Variants in RTL4 observed in about 807,000 individuals in gnomAD.
RTL4 encodes retrotransposon Gag like 4, also known as retrotransposon Gag-like protein 4.
In RTL4, 4 loss-of-function variants were observed where a neutral mutation model predicts 5.3. The ratio of observed to expected loss-of-function variants is 0.75; its 90% CI spans 0.37 to 1.72. RTL4 has a LOEUF of 1.72. RTL4 is among the 40% of genes most tolerant of loss of function. The probability of loss-of-function intolerance (pLI) is 0.04; values close to 1 mark genes in which losing one functional copy is unlikely to be tolerated. For missense variants in RTL4, 260 were observed against 227.1 expected (o/e 1.14, Z -0.93); for synonymous variants, 98 against 87.3 (o/e 1.12, Z -0.68).
chrX:112,325,155 CA>C, the RTL4 span, among the ~76,000 whole-genome samples: 3 of 111,489 alleles, frequency 2.7e-5, no homozygotes, highest in East Asian at 8.5e-4. Context: ...AAAGAGGACA[CA>C]AACAAATGGA....
chrX:112,288,206 C>T, the RTL4 span, among the ~76,000 whole-genome samples: 1 of 111,916 alleles, frequency 8.9e-6, no homozygotes, highest in Non-Finnish European at 1.9e-5. Flanking sequence ...GAATAGTTTC[C>T]CAAGAAGTCT....
At chrX:112,373,260 G>A in the RTL4 span, among the ~76,000 whole-genome samples, 2 of 111,485 alleles carry the variant, frequency 1.8e-5, no homozygotes, top group Non-Finnish European at 3.8e-5. Flanking sequence ...ACTCCCACCA[G>A]TAGTGTATGA....
chrX:112,263,760 C>A, the RTL4 span, among the ~76,000 whole-genome samples: 1 of 111,107 alleles, frequency 9.0e-6, no homozygotes, highest in Admixed American at 9.6e-5. Flanking sequence ...GTGTCCTCAC[C>A]CCTCCCTCAC....
At chrX:112,158,148 G>GA in the RTL4 span, among the ~76,000 whole-genome samples, 1 of 7,770 alleles carries the variant, frequency 1.3e-4, no homozygotes, top group African/African-American at 1.0e-3. Context: ...CAATGATGAA[G>GA]GAAGCTCCCT....
At chrX:112,154,805 A>AT in the RTL4 span, among the ~76,000 whole-genome samples, 27 of 111,291 alleles carry the variant, frequency 2.4e-4, no homozygotes, top group African/African-American at 8.5e-4. Context: ...CTTATTAGGT[A>AT]TTTTTTTGGG....
At chrX:112,193,296 A>G in the RTL4 span, among the ~76,000 whole-genome samples, 1 of 111,283 alleles carries the variant, frequency 9.0e-6, no homozygotes, top group Non-Finnish European at 1.9e-5. Context: ...GAATATTCCA[A>G]ATCTACTATT....
the RTL4 span, among the ~76,000 whole-genome samples, chrX:112,323,807 A>C: frequency 8.9e-6 from 1 of 112,385 alleles, no homozygotes; most frequent in Non-Finnish European, 1.9e-5. Context: ...TTAAATGATC[A>C]AATATATCTA....
chrX:112,399,878 T>C, the RTL4 span, among the ~76,000 whole-genome samples: 1 of 111,667 alleles, frequency 9.0e-6, no homozygotes, highest in Admixed American at 9.5e-5. Context: ...GGTAAAGTGT[T>C]GTAGTTTGAC....
chrX:112,132,141 G>A, the RTL4 span, among the ~76,000 whole-genome samples: 8 of 111,271 alleles, frequency 7.2e-5, no homozygotes, highest in South Asian at 1.5e-3. Flanking sequence ...AGACAAAAAC[G>A]TAAGTTAAAC....
At chrX:112,241,150 T>C in the RTL4 span, among the ~76,000 whole-genome samples, 5 of 110,531 alleles carry the variant, frequency 4.5e-5, no homozygotes, top group African/African-American at 1.6e-4. Flanking sequence ...GTCTTTATGG[T>C]ATTTACAAAT....
chrX:112,325,653 A>G, the RTL4 span, among the ~76,000 whole-genome samples: 1 of 112,461 alleles, frequency 8.9e-6, no homozygotes, highest in African/African-American at 3.2e-5. Flanking sequence ...AATTAATTCA[A>G]GATGGATTAA....
chrX:112,310,577 A>G, the RTL4 span, among the ~76,000 whole-genome samples: 1 of 56,235 alleles, frequency 1.8e-5, no homozygotes, highest in African/African-American at 8.1e-5. Context: ...ATTTATATAT[A>G]ATATTTCTAT....
the RTL4 span, among the ~76,000 whole-genome samples, chrX:112,236,359 C>T: frequency 4.1e-5 from 4 of 97,897 alleles, no homozygotes; most frequent in African/African-American, 1.5e-4. Flanking sequence ...TTTCTTTTCT[C>T]CATTGTACAG....
the RTL4 span, among the ~76,000 whole-genome samples, chrX:112,230,357 C>T: frequency 2.7e-5 from 3 of 112,361 alleles, no homozygotes; most frequent in Admixed American, 1.9e-4. Flanking sequence ...CCTGGTGTGC[C>T]GTTTGTTAAG....
At chrX:112,305,535 T>C in the RTL4 span, among the ~76,000 whole-genome samples, 5 of 109,467 alleles carry the variant, frequency 4.6e-5, no homozygotes, top group African/African-American at 1.7e-4. Flanking sequence ...GCTAATTTTT[T>C]GTATTTTTAG....
the RTL4 span, among the ~76,000 whole-genome samples, chrX:112,250,621 G>T: frequency 1.8e-5 from 2 of 112,340 alleles, no homozygotes; most frequent in African/African-American, 6.5e-5. Flanking sequence ...TGATGATACA[G>T]TTGGTAATTT....
At chrX:112,320,832 A>T in the RTL4 span, among the ~76,000 whole-genome samples, 1 of 111,905 alleles carries the variant, frequency 8.9e-6, no homozygotes, top group Non-Finnish European at 1.9e-5. Flanking sequence ...ATCAATGGAA[A>T]ATTAAATCTC....
At chrX:112,395,462 A>G in the RTL4 span, among the ~76,000 whole-genome samples, 2 of 111,351 alleles carry the variant, frequency 1.8e-5, no homozygotes, top group Non-Finnish European at 1.9e-5. Context: ...TAAAACTAAC[A>G]TAATTCCTAA....
At chrX:112,136,913 A>G in the RTL4 span, among the ~76,000 whole-genome samples, 1 of 112,123 alleles carries the variant, frequency 8.9e-6, no homozygotes, top group Non-Finnish European at 1.9e-5. Flanking sequence ...AAGTTCTAGA[A>G]GAAAACATAA....
Sources: gnomAD v4.1 joint callset for allele counts (sites outside exome capture counted in the v4.1 genomes callset) on GRCh38, gnomAD v4.1.1 for gene constraint, MANE v1.5 for transcripts, NCBI Gene and HGNC (gene_info 2026-07-23, HGNC 2026-07-21) for gene names.